The following EIF2AK1 variants were observed in gnomAD, a reference collection of about 807,000 sequenced individuals.
EIF2AK1 encodes eukaryotic translation initiation factor 2-alpha kinase 1.
In EIF2AK1, 54 loss-of-function variants were observed where a neutral mutation model predicts 77.9. That is an observed-to-expected ratio of 0.69 (90% CI 0.56 to 0.87). The LOEUF (loss-of-function observed/expected upper bound fraction) is 0.87, where lower values mean the gene tolerates loss of function less well. Among genes scored for constraint, EIF2AK1 ranks in the 40% least tolerant of loss-of-function variants. The pLI is 0.00. For missense variants in EIF2AK1, 810 were observed against 768.6 expected (o/e 1.05, Z -0.64); for synonymous variants, 314 against 290.5 (o/e 1.08, Z -0.82).
Position 6,056,598 on chromosome 7 carries a change from G to GAAAA in EIF2AK1, c.119-1898_119-1895dup, listed in dbSNP as rs1181376161. On this transcript the variant is annotated intron_variant, in intron 1 of 14. Transcript: ENST00000199389. ...AACAGAGGGAGACTCCATCTCAAGG[G>GAAAA]AAAAAAAAAAAAAAAATATATATAT... Among the ~76,000 whole-genome samples the GAAAA allele has an allele frequency of 4.3e-4, 21 of 48,816 alleles. 3 individuals carry two copies. The highest frequency in any genetic ancestry group is 8.0e-4 in the South Asian group (1 of 1,252). 32.0% of individuals were successfully genotyped at this position (48,816 alleles called of 152,430 possible).
chr7:6,049,955 GCT>G lies in EIF2AK1; in HGVS notation c.366_367del (p.Arg122SerfsTer10). On this transcript the variant is annotated frameshift_variant, in exon 3 of 15. Coordinates refer to ENST00000199389, the MANE Select transcript of EIF2AK1 (RefSeq NM_014413.4). LOFTEE classifies it high-confidence loss of function. ...AGCAGACCTCATTAAGTGAGTAATAGCTCTGTTGTGATGTAGTCTCAATGAGC... is the reference window on the plus strand; with the variant it reads ...AGCAGACCTCATTAAGTGAGTAATAGCTGTTGTGATGTAGTCTCAATGAGC... The G allele has an allele frequency of 6.2e-7, 1 of 1,613,126 alleles. No homozygotes were observed. Among genetic ancestry groups the G allele is most frequent in the Non-Finnish European group, 8.5e-7 (1 of 1,179,690 alleles).
In EIF2AK1 at chr7:6,059,036, G is replaced by A. The variant is rs781131422; in HGVS notation, c.48C>T (p.Asp16=). ...SGVRKREEEG[D]GAGAVAAPPA... ...GCGGCGCAGCCACAGCCCCAGCCCC[G>A]TCGCCCTCCTCTTCGCGCTTGCGGA... Residue 16 remains aspartate, a synonymous_variant, in exon 1 of 15, where the codon GAC becomes GAT. Transcript: ENST00000199389. 5.3e-6 allele frequency: 8 copies of A among 1,516,948 alleles called. No individual in the cohort carries two copies. The highest frequency in any genetic ancestry group is 7.0e-6 in the Non-Finnish European group (8 of 1,137,640). The allele number at this position is 1,516,948 out of a possible 1,614,324, so 94.0% of individuals were successfully genotyped here.
chr7:6,031,130 A>G (rs1374083119), intron 11 of EIF2AK1, among the ~76,000 whole-genome samples: 1 of 152,222 alleles, frequency 6.6e-6, no homozygotes, highest in Non-Finnish European at 1.5e-5. Context: ...ATAAAGGTGT[A>G]AGATGATAGC....
intron 1 of EIF2AK1, chr7:6,057,495 G>C (rs1788815654): frequency 6.7e-6 from 1 of 150,364 alleles, no homozygotes; most frequent in Non-Finnish European, 1.5e-5. Flanking sequence ...AAATCTCCCT[G>C]AATCGTGCTC....
At chr7:6,042,878 C>A in intron 8 of EIF2AK1, 55 bp downstream of exon 8, 2 of 1,508,578 alleles carry the variant, frequency 1.3e-6, no homozygotes, top group South Asian at 2.3e-5. Context: ...AAAAAAAGAA[C>A]AAAAGCCCAA....
In EIF2AK1 at chr7:6,038,582, C is replaced by A; in HGVS notation, c.1209G>T (p.Arg403=). The A allele has an allele frequency of 3.1e-6, 5 of 1,612,838 alleles. No individual in the cohort carries two copies. Residue 403 remains arginine (R), a synonymous_variant, in exon 10 of 15, where the codon CGG becomes CGT. Coordinates refer to ENST00000199389, the MANE Select transcript of EIF2AK1 (RefSeq NM_014413.4). The stretch of plus-strand genomic sequence containing the variant: ...CACAGGCAGACTCGTCCACATACTC[C>A]CGGCCCCGCTTGTTTCTCTCGACTA... ...DWIVERNKRG[R]EYVDESACPY...
rs753600133 is a variant in EIF2AK1, at chr7:6,049,989, C to T, written c.334G>A (p.Glu112Lys). The part of the protein sequence containing the change: ...GLLSSFTCSD[E>K]FSSLRLHHNR... ...TGATGTAGTCTCAATGAGCTAAACT[C>T]GTCACTACAAGTGAAAGAAGACAGC... The change falls in exon 3 of 15, where the codon GAG becomes AAG. Residue 112 changes from glutamate (E) to lysine (K), a missense_variant. Around this residue, in one of 3 missense-constraint regions of EIF2AK1, gnomAD observed 246 missense variants for 199.0 expected, o/e 1.24. Transcript: ENST00000199389. 10 of 1,612,850 alleles carry T rather than the reference C, an allele frequency of 6.2e-6. No individual in the cohort carries two copies. The highest frequency in any genetic ancestry group is 1.6e-4 in the Middle Eastern group (1 of 6,078).
chr7:6,036,013 A>G lies in EIF2AK1; in HGVS notation c.1332+1411T>C. ...TTTGGAGGCAGAGAGGCAATCATCA[A>G]TCTCCTGCTTGAATTTGAAGCAAAT... On this transcript the variant is annotated intron_variant, in intron 11 of 14. Coordinates refer to ENST00000199389, the MANE Select transcript of EIF2AK1 (RefSeq NM_014413.4). This position sits in a 1 kb window ranked among gnomAD's most constrained non-coding sequence, Gnocchi z 4.6. 1.3e-6 allele frequency: 2 copies of G among 1,551,096 alleles called. No homozygotes were observed. Among genetic ancestry groups the G allele is most frequent in the Non-Finnish European group, 1.7e-6 (2 of 1,147,130 alleles).
chr7:6,051,597 T>C (rs1197370622), intron 2 of EIF2AK1, among the ~76,000 whole-genome samples: 2 of 151,958 alleles, frequency 1.3e-5, no homozygotes, highest in African/African-American at 4.8e-5. Context: ...ACCTGGCTAA[T>C]TTTTGTATTT....
Position 6,036,229 on chromosome 7 carries a change from TAAAGCAATCGCAA to T in EIF2AK1, c.1332+1182_1332+1194del, listed in dbSNP as rs1249026994. ...TTCCGCCTCTTAAGGGACACCCTAATAAAGCAATCGCAAAAACCTTTATCCCTACAGGGTATCT... is the reference window on the plus strand; with the variant it reads ...TTCCGCCTCTTAAGGGACACCCTAATAAACCTTTATCCCTACAGGGTATCT... On this transcript the variant is annotated intron_variant, in intron 11 of 14. Transcript: ENST00000199389. The surrounding 1 kb of genome is among the most constrained non-coding windows in gnomAD (Gnocchi z 4.6). 2 of 1,550,154 alleles carry T rather than the reference TAAAGCAATCGCAA, an allele frequency of 1.3e-6. No homozygotes were observed. The highest frequency in any genetic ancestry group is 4.9e-5 in the East Asian group (2 of 40,910).
Position 6,058,969 on chromosome 7 carries a change from C to G in EIF2AK1, c.115G>C (p.Asp39His). ...FPAEGPDPEY[D>H]ESDVPAEIQV... Reference sequence around the variant, plus strand: ...ACGCCGCGATCCGATCCCTCACCGTCATATTCGGGGTCCGGGCCCTCGGCG... The same window carrying G: ...ACGCCGCGATCCGATCCCTCACCGTGATATTCGGGGTCCGGGCCCTCGGCG... Residue 39 changes from aspartate (D) to histidine (H), a missense_variant, in exon 1 of 15, where the codon GAC (aspartate) becomes CAC (histidine). Physicochemically the swap from Asp to His is moderately conservative, Grantham distance 81. Around this residue, in one of 3 missense-constraint regions of EIF2AK1, gnomAD observed 246 missense variants for 199.0 expected, o/e 1.24. Coordinates refer to ENST00000199389, the MANE Select transcript of EIF2AK1 (RefSeq NM_014413.4). 1 of 1,534,996 alleles carries G rather than the reference C, an allele frequency of 6.5e-7. No individual in the cohort carries two copies. Among genetic ancestry groups the G allele is most frequent in the Admixed American group, 2.0e-5 (1 of 49,408 alleles).
chr7:6,037,421 T>C lies in EIF2AK1; in HGVS notation c.1332+3A>G. The C allele has an allele frequency of 6.3e-7, 1 of 1,597,278 alleles. No homozygotes were observed. Among genetic ancestry groups the C allele is most frequent in the Non-Finnish European group, 8.6e-7 (1 of 1,167,106 alleles). On this transcript the variant is annotated splice_donor_region_variant and intron_variant, in intron 11 of 14. Transcript: ENST00000199389. ...TTTCAATGATTTCATCGCCCCCACT[T>C]ACCTTCAGATCTCGGTGCACAATTC...
chr7:6,051,338 C>G (rs956795649), intron 2 of EIF2AK1, among the ~76,000 whole-genome samples: 1 of 148,338 alleles, frequency 6.7e-6, no homozygotes, highest in Non-Finnish European at 1.5e-5. Context: ...ATGGCACGAT[C>G]TCGGCTCACT....
chr7:6,051,545 T>C (rs915562962), intron 2 of EIF2AK1, among the ~76,000 whole-genome samples: 3 of 152,012 alleles, frequency 2.0e-5, no homozygotes, highest in Non-Finnish European at 4.4e-5. Context: ...TTCTCATGCC[T>C]CACCCTCCCA....
intron 11 of EIF2AK1, among the ~76,000 whole-genome samples, chr7:6,037,077 A>T (rs1176008284): frequency 6.6e-6 from 1 of 152,092 alleles, no homozygotes; most frequent in Non-Finnish European, 1.5e-5. Flanking sequence ...AAAAAAATTT[A>T]AAAATTAGCT....
intron 1 of EIF2AK1, among the ~76,000 whole-genome samples, chr7:6,056,613 A>AAAAAAAAAAAAAATATATATATAT: frequency 4.6e-5 from 2 of 43,730 alleles, no homozygotes; most frequent in African/African-American, 8.2e-5. Flanking sequence ...AAAAAAAAAA[A>AAAAAAAAAAAAAATATATATATAT]ATATATATAT....
intron 1 of EIF2AK1, among the ~76,000 whole-genome samples, chr7:6,056,872 A>T (rs1788788636): frequency 6.6e-6 from 1 of 151,640 alleles, no homozygotes; most frequent in Non-Finnish European, 1.5e-5. Flanking sequence ...CTGAGCTATA[A>T]TATACCACCT....
At position 6,036,051 on chromosome 7, in the gene EIF2AK1, A is replaced by G; in HGVS notation, c.1332+1373T>C. 6.4e-7 allele frequency: 1 copy of G among 1,551,122 alleles called. No homozygotes were observed. The highest frequency in any genetic ancestry group is 8.7e-7 in the Non-Finnish European group (1 of 1,147,130). On this transcript the variant is annotated intron_variant, in intron 11 of 14. Transcript: ENST00000199389. The surrounding 1 kb of genome is among the most constrained non-coding windows in gnomAD (Gnocchi z 4.6). ...ATTTGAAGCAAATGTTAACATTTTA[A>G]CAAGAAACGGGGAATCTCCAATTTA...
chr7:6,024,854 T>C, intron 14 of EIF2AK1, 53 bp from the exon 15 acceptor site: 1 of 1,358,806 alleles, frequency 7.4e-7, no homozygotes, highest in Non-Finnish European at 9.8e-7. Context: ...TTTTTTTTTT[T>C]TTGAGACAGA....
Sources: allele counts gnomAD v4.1 joint callset (sites outside exome capture counted in the v4.1 genomes callset), GRCh38; gene constraint gnomAD v4.1.1; regional missense constraint gnomAD v4.1.1; non-coding constraint Gnocchi (gnomAD v3.1); transcripts MANE v1.5; gene names NCBI Gene and HGNC (gene_info 2026-07-23, HGNC 2026-07-21).